Variants in CCDC74A observed in about 807,000 individuals in gnomAD.
The protein encoded by CCDC74A is coiled-coil domain-containing protein 74A.
Under a neutral mutation model 37.6 loss-of-function variants are expected in CCDC74A, and 38 were observed. The observed-to-expected ratio is 1.01, with a 90% CI of 0.78 to 1.33. CCDC74A has a LOEUF of 1.33. Among genes scored for constraint, CCDC74A ranks in the 40% most tolerant of loss-of-function variants. The pLI is 0.00. For synonymous variants in CCDC74A, 134 were observed against 165.2 expected, an observed-to-expected ratio of 0.81 and a Z score of 1.45; for missense variants, 340 against 403.4, an observed-to-expected ratio of 0.84 and a Z score of 1.35.
upstream of CCDC74A, among the ~76,000 whole-genome samples, chr2:131,525,351 T>C (rs977097753): frequency 3.3e-5 from 5 of 152,136 alleles, no homozygotes; most frequent in Admixed American, 2.0e-4. Flanking sequence ...TCTCAGTAGC[T>C]GGGACTGCAG....
At chr2:131,527,844 C>A, upstream of CCDC74A, 9 of 1,366,876 alleles carry the variant, frequency 6.6e-6, no homozygotes, top group Non-Finnish European at 8.6e-6. Flanking sequence ...AGCGACAGGC[C>A]CCGCCCCCGC....
chr2:131,528,734 C>T (rs1191382556), intron 1 of CCDC74A: 3 of 369,096 alleles, frequency 8.1e-6, no homozygotes, highest in African/African-American at 4.2e-5. Context: ...TGGCGTGAAC[C>T]CGGGAGGCGG....
chr2:131,530,289 G>A (rs932750119), intron 2 of CCDC74A: 3 of 1,543,238 alleles, frequency 1.9e-6, no homozygotes, highest in Non-Finnish European at 2.6e-6. Context: ...CTTTGGGGCT[G>A]GGGCTGACAT....
At chr2:131,526,180 T>C (rs1348746084), upstream of CCDC74A, among the ~76,000 whole-genome samples, 2 of 147,908 alleles carry the variant, frequency 1.4e-5, no homozygotes, top group South Asian at 2.1e-4. Context: ...GGAGTCTTAC[T>C]CTGTTGCCCA....
Position 131,533,003 on chromosome 2 carries a change from C to A in CCDC74A, c.753-10C>A, listed in dbSNP as rs757984550. 9 of 1,613,978 alleles carry A rather than the reference C, an allele frequency of 5.6e-6. No individual in the cohort carries two copies. The African/African-American group carries it at 9.3e-5, about 17-fold the overall frequency. On this transcript the variant is annotated splice_polypyrimidine_tract_variant and intron_variant, in intron 6 of 7. Transcript: ENST00000409856. ...ATCCACAGCTCACTGCTGACTCTTC[C>A]TTCACCCAGGGACCAAGAAGCCACG... is the stretch of plus-strand genomic sequence containing the variant.
At chr2:131,532,820 G>C in intron 5 of CCDC74A, 39 bp downstream of exon 5, 5 of 1,612,900 alleles carry the variant, frequency 3.1e-6, no homozygotes, top group Non-Finnish European at 3.4e-6. Context: ...TGGGCAGTCT[G>C]GCACCGCCAC....
At chr2:131,532,843 G>A (rs1431939287) in intron 5 of CCDC74A, 21 bp from the exon 6 acceptor site, 2 of 1,612,722 alleles carry the variant, frequency 1.2e-6, no homozygotes, top group Non-Finnish European at 1.7e-6. Context: ...GCCCCACCAT[G>A]CCCCTGCCCC....
At chr2:131,528,973 C>T (rs1360467470) in intron 1 of CCDC74A, among the ~76,000 whole-genome samples, 4 of 131,266 alleles carry the variant, frequency 3.0e-5, no homozygotes, top group East Asian at 5.4e-4. Flanking sequence ...TCCGGCGGGG[C>T]CTTCCCAACT....
intron 7 of CCDC74A, 33 bp downstream of exon 7, chr2:131,533,102 G>A (rs889273104): frequency 1.9e-6 from 3 of 1,612,932 alleles, no homozygotes; most frequent in Non-Finnish European, 2.5e-6. Context: ...CAGTGGGGCA[G>A]CCCTGCAGCC....
In CCDC74A at chr2:131,527,968, G is replaced by T. The variant is rs1385448448; in HGVS notation, c.-3G>T. On this transcript the variant is annotated 5_prime_UTR_variant, in exon 1 of 8. Coordinates refer to ENST00000409856, the MANE Select transcript of CCDC74A (RefSeq NM_001258306.3). Reference sequence around the variant, plus strand: ...CAGCGGGAGAGTACCTGGCGATGGCGATATGAGCGGTGCGGGGGTGGCGGC... The same window carrying T: ...CAGCGGGAGAGTACCTGGCGATGGCTATATGAGCGGTGCGGGGGTGGCGGC... 1.9e-5 allele frequency: 28 copies of T among 1,437,584 alleles called. 1 individual carries two copies. The South Asian group carries it at 4.0e-4, about 21-fold the overall frequency. 89.1% of individuals were successfully genotyped at this position (1,437,584 alleles called of 1,614,324 possible).
At position 131,528,190 on chromosome 2, in the gene CCDC74A, G is replaced by A. The variant is rs1228244913; in HGVS notation, c.220G>A (p.Glu74Lys). 1 of 1,613,622 alleles carries A rather than the reference G, an allele frequency of 6.2e-7. No individual in the cohort carries two copies. Among genetic ancestry groups the A allele is most frequent in the Non-Finnish European group, 8.5e-7 (1 of 1,179,768 alleles). Residue 74 changes from glutamate to lysine, a missense_variant, in exon 1 of 8, where the codon GAG (glutamate) becomes AAG (lysine). By Grantham distance (56) the Glu-to-Lys change is moderately conservative. Around this residue, in one of 3 missense-constraint regions of CCDC74A, gnomAD observed 154 missense variants for 153.9 expected, o/e 1.00. Coordinates refer to ENST00000409856, the MANE Select transcript of CCDC74A (RefSeq NM_001258306.3). ...GGAGATGCTGGCCAAGCTCCATGAG[G>A]AGATCGAGCATCTGAAGCGGGAAAA... Reference protein sequence around the residue: ...HSEMLAKLHEEIEHLKRENKD... With the variant: ...HSEMLAKLHEKIEHLKRENKD...
rs1333976883 is a variant in CCDC74A, at chr2:131,528,035, G to A, written c.65G>A (p.Arg22His). 3.3e-6 allele frequency: 5 copies of A among 1,507,532 alleles called. No homozygotes were observed. Among genetic ancestry groups the A allele is most frequent in the South Asian group, 1.3e-5 (1 of 76,410 alleles). The allele number at this position is 1,507,532 out of a possible 1,614,324, so 93.4% of individuals were successfully genotyped here. A position where few individuals can be genotyped will look rare whatever the true frequency, so the allele number is the denominator to read the frequency against. The stretch of plus-strand genomic sequence containing the variant: ...AGCTCGCCGACCCCGGGCTCTCGGC[G>A]CCGGCGCCAGCGCCCCTCTGTGGGC... ...PPSSPTPGSR[R>H]RRQRPSVGVQ... Residue 22 changes from arginine to histidine, a missense_variant, in exon 1 of 8, where the codon CGC becomes CAC. Transcript: ENST00000409856.
chr2:131,533,354 C>A lies in CCDC74A; in HGVS notation c.895C>A (p.Leu299Met). 1 of 1,613,570 alleles carries A rather than the reference C, an allele frequency of 6.2e-7. No homozygotes were observed. The highest frequency in any genetic ancestry group is 8.5e-7 in the Non-Finnish European group (1 of 1,179,984). The part of the protein sequence containing the change: ...KNNFAERQKR[L>M]QAMQKRRLHR... ...CAACTTTGCCGAGAGGCAGAAGAGG[C>A]TGCAGGCAATGCAGAAACGGCGCCT... is the stretch of plus-strand genomic sequence containing the variant. Residue 299 changes from leucine (L) to methionine (M), a missense_variant, in exon 8 of 8, where the codon CTG becomes ATG. Coordinates refer to ENST00000409856, the MANE Select transcript of CCDC74A (RefSeq NM_001258306.3).
At position 131,529,631 on chromosome 2, in the gene CCDC74A, G is replaced by C; in HGVS notation, c.251-16G>C. 1.2e-6 allele frequency: 2 copies of C among 1,614,000 alleles called. No homozygotes were observed. The highest frequency in any genetic ancestry group is 1.3e-5 in the African/African-American group (1 of 75,056). Reference sequence around the variant, plus strand: ...TGGTTTCACAAGTGCTGAGGAGAGCGTGTGCTTGCTTTCAGATCTCCATTA... The same window carrying C: ...TGGTTTCACAAGTGCTGAGGAGAGCCTGTGCTTGCTTTCAGATCTCCATTA... On this transcript the variant is annotated splice_polypyrimidine_tract_variant and intron_variant, in intron 1 of 7. Coordinates refer to ENST00000409856, the MANE Select transcript of CCDC74A (RefSeq NM_001258306.3).
chr2:131,531,424 G>A (rs563500917), intron 3 of CCDC74A, among the ~76,000 whole-genome samples: 41 of 151,358 alleles, frequency 2.7e-4, no homozygotes, highest in Non-Finnish European at 3.8e-4. Flanking sequence ...GATGGGGCCA[G>A]CTTCCACTAT....
chr2:131,527,520 G>T (rs1680397930), upstream of CCDC74A, among the ~76,000 whole-genome samples: 1 of 151,680 alleles, frequency 6.6e-6, no homozygotes, highest in Non-Finnish European at 1.5e-5. Flanking sequence ...TATTTTTTTA[G>T]ACAGAGTCTC....
In CCDC74A at chr2:131,530,971, C is replaced by T. The variant is rs547164137; in HGVS notation, c.346+144C>T. 23 of 1,423,600 alleles carry T rather than the reference C, an allele frequency of 1.6e-5. No individual in the cohort carries two copies. In the East Asian group the frequency reaches 5.5e-4, roughly 34 times the overall value. 88.2% of individuals were successfully genotyped at this position (1,423,600 alleles called of 1,614,324 possible). On this transcript the variant is annotated intron_variant, in intron 3 of 7. Coordinates refer to ENST00000409856, the MANE Select transcript of CCDC74A (RefSeq NM_001258306.3). ...GGATGAAGGTGCAGCTGAAAAGAGC[C>T]CTGCAAGCTGAAGCCACCGGGAGGG...
At position 131,533,252 on chromosome 2, in the gene CCDC74A, C is replaced by A; in HGVS notation, c.810-17C>A. 6.2e-7 allele frequency: 1 copy of A among 1,612,244 alleles called. No individual in the cohort carries two copies. On this transcript the variant is annotated splice_polypyrimidine_tract_variant and intron_variant, in intron 7 of 7. Coordinates refer to ENST00000409856, the MANE Select transcript of CCDC74A (RefSeq NM_001258306.3). ...TCCCGGGGATGCTCACGGTGACAGTCCCTCTACCCGCCCCAGCCTGAGCCC... is the reference window on the plus strand; with the variant it reads ...TCCCGGGGATGCTCACGGTGACAGTACCTCTACCCGCCCCAGCCTGAGCCC...
chr2:131,526,571 T>C (rs1189467203), upstream of CCDC74A, among the ~76,000 whole-genome samples: 1 of 152,228 alleles, frequency 6.6e-6, no homozygotes, highest in Non-Finnish European at 1.5e-5. Context: ...TTGTATTCCA[T>C]TTCTTGGTCT....
Sources: allele counts gnomAD v4.1 joint callset (sites outside exome capture counted in the v4.1 genomes callset), GRCh38; gene constraint gnomAD v4.1.1; regional missense constraint gnomAD v4.1.1; transcripts MANE v1.5; gene names NCBI Gene and HGNC (gene_info 2026-07-23, HGNC 2026-07-21).